The following ST14 variants were observed in gnomAD, a reference collection of about 807,000 sequenced individuals.
The protein encoded by ST14 is ST14 transmembrane serine protease matriptase.
In ST14, 40 loss-of-function variants were observed where a neutral mutation model predicts 96.5. The ratio of observed to expected loss-of-function variants is 0.41; its 90% confidence interval spans 0.32 to 0.54. ST14 has a LOEUF of 0.54. Among genes scored for constraint, ST14 ranks in the 20% least tolerant of loss-of-function variants. The pLI, the probability that ST14 is intolerant of heterozygous loss-of-function variation, is 0.17. For missense variants in ST14, 1,066 were observed against 1,188.9 expected, an observed-to-expected ratio of 0.90 and a Z score of 1.52; for synonymous variants, 506 against 492.1, an observed-to-expected ratio of 1.03 and a Z score of -0.37.
chr11:130,191,779 T>A (rs1591888825), intron 7 of ST14, among the ~76,000 whole-genome samples: 1 of 151,850 alleles, frequency 6.6e-6, no homozygotes, highest in African/African-American at 2.4e-5. Flanking sequence ...CTGGCTTGTT[T>A]GAATAATTTC....
intron 1 of ST14, among the ~76,000 whole-genome samples, chr11:130,164,403 A>C (rs914408061): frequency 6.6e-6 from 1 of 151,356 alleles, no homozygotes; most frequent in Non-Finnish European, 1.5e-5. Context: ...CCCTTCTCAG[A>C]GACAAGTGTT....
chr11:130,172,146 G>A (rs1445043891), intron 1 of ST14, among the ~76,000 whole-genome samples: 3 of 151,456 alleles, frequency 2.0e-5, no homozygotes, highest in Middle Eastern at 6.8e-3. Flanking sequence ...ACAGGGTCTC[G>A]CTCTGTTGCC....
rs191829522 is a variant in ST14 at position 130,203,606 on chromosome 11, T to C, written c.1994+3469T>C. 1.3e-3 allele frequency among the ~76,000 whole-genome samples: 199 copies of C among 152,378 alleles called. 1 individual carries two copies. Among genetic ancestry groups the C allele is most frequent in the Non-Finnish European group, 1.5e-3 (102 of 68,034 alleles). On this transcript the variant is annotated intron_variant, in intron 16 of 18. Transcript: ENST00000278742. ...GTCTCAGTCTCCAGTGCAGTCCTCA[T>C]GCCTTCCCCATGCTCAGTGTGAGGG...
chr11:130,196,537 CCCT>C (rs1363530094), intron 10 of ST14, 30 bp from the exon 11 acceptor site: 1 of 1,532,840 alleles, frequency 6.5e-7, no homozygotes, highest in Non-Finnish European at 8.9e-7. Context: ...TCCCAGCTGT[CCCT>C]CCTCACCTTG....
At chr11:130,174,595 G>T (rs1227160228) in intron 1 of ST14, among the ~76,000 whole-genome samples, 2 of 152,140 alleles carry the variant, frequency 1.3e-5, no homozygotes, top group Non-Finnish European at 2.9e-5. Context: ...CTTAGAAAAA[G>T]ACTTCATCTT....
intron 1 of ST14, among the ~76,000 whole-genome samples, chr11:130,175,837 A>AT (rs1322644913): frequency 1.1e-4 from 16 of 151,356 alleles, no homozygotes; most frequent in African/African-American, 3.9e-4. Flanking sequence ...CTAATTTTGT[A>AT]TTTTTAGTAG....
chr11:130,161,742 C>T (rs1304479018), intron 1 of ST14, among the ~76,000 whole-genome samples: 6 of 152,340 alleles, frequency 3.9e-5, no homozygotes, highest in African/African-American at 1.4e-4. Context: ...ATTCTCTTGG[C>T]TTGCTCTTTG....
intron 16 of ST14, among the ~76,000 whole-genome samples, chr11:130,205,716 T>TTTTTTTTTTTTTTTC: frequency 6.7e-6 from 1 of 148,590 alleles, no homozygotes. Flanking sequence ...TTTTTGTTTT[T>TTTTTTTTTTTTTTTC]TTTTTTGAGA....
At position 130,161,987 on chromosome 11, in the gene ST14, T is replaced by TCC. The variant is rs530325998; in HGVS notation, c.81+1929_81+1930dup. ...CTCCCATCCCTGGCCTCACCAGAAA[T>TCC]CCCAGTCCCTGGGATCACCCTGTAG... On this transcript the variant is annotated intron_variant, in intron 1 of 18. Coordinates refer to ENST00000278742, the MANE Select transcript of ST14 (RefSeq NM_021978.4). Among the ~76,000 whole-genome samples the TCC allele has an allele frequency of 4.2e-3, 643 of 152,278 alleles. 7 individuals carry two copies. The Middle Eastern group carries it at 0.048, about 11-fold the overall frequency.
At chr11:130,204,500 G>T (rs975213469) in intron 16 of ST14, among the ~76,000 whole-genome samples, 26 of 152,176 alleles carry the variant, frequency 1.7e-4, no homozygotes, top group African/African-American at 6.0e-4. Context: ...CGATTCCGTG[G>T]GGAGGTGGCT....
intron 7 of ST14, among the ~76,000 whole-genome samples, chr11:130,191,176 C>T (rs1260651491): frequency 1.3e-5 from 2 of 151,954 alleles, no homozygotes; most frequent in African/African-American, 4.8e-5. Flanking sequence ...CAAGACTCTG[C>T]CTCTATAAAA....
rs1045646621 is a variant in ST14, at chr11:130,190,656, C to T, written c.837C>T (p.Tyr279=). The stretch of plus-strand genomic sequence containing the variant: ...GCGGCAGCGACCTGGTGACGGTGTA[C>T]AACACCCTGAGCCCCATGGAGCCCC... ...DERGSDLVTV[Y]NTLSPMEPHA... The change falls in exon 7 of 19, where the codon TAC becomes TAT. Residue 279 remains tyrosine, a synonymous_variant. Transcript: ENST00000278742. 2.5e-5 allele frequency: 40 copies of T among 1,603,590 alleles called. No individual in the cohort carries two copies. Among genetic ancestry groups the T allele is most frequent in the Middle Eastern group, 1.6e-4 (1 of 6,066 alleles).
intron 17 of ST14, 27 bp downstream of exon 17, chr11:130,208,711 C>T (rs767448847): frequency 1.2e-6 from 2 of 1,603,298 alleles, no homozygotes; most frequent in Non-Finnish European, 1.7e-6. Flanking sequence ...CCTAGGGCTC[C>T]GCAGAGGGCC....
At chr11:130,193,724 C>A (rs1953329126) in intron 7 of ST14, among the ~76,000 whole-genome samples, 2 of 152,348 alleles carry the variant, frequency 1.3e-5, no homozygotes, top group East Asian at 1.9e-4. Context: ...CCCGCCTTGG[C>A]CTCCCAAAGT....
chr11:130,193,635 A>G (rs1197652016), intron 7 of ST14, among the ~76,000 whole-genome samples: 1 of 151,860 alleles, frequency 6.6e-6, no homozygotes, highest in African/African-American at 2.4e-5. Flanking sequence ...ATGCCCAGCT[A>G]ATTTTTGTAT....
chr11:130,176,894 G>A (rs1953143641), intron 1 of ST14, among the ~76,000 whole-genome samples: 1 of 148,072 alleles, frequency 6.8e-6, no homozygotes, highest in Non-Finnish European at 1.5e-5. Flanking sequence ...TGCCTCCTGG[G>A]TTCTAGTGAT....
In ST14 at chr11:130,194,755, T is replaced by A. The variant is rs1301337019; in HGVS notation, c.1113+18T>A. On this transcript the variant is annotated intron_variant, in intron 9 of 18. Coordinates refer to ENST00000278742, the MANE Select transcript of ST14 (RefSeq NM_021978.4). ...ACATTGAGGTAGGAGCTATGGGGCG[T>A]GTGAACGTGTGTGTGTGTGAGCATG... is the stretch of plus-strand genomic sequence containing the variant. 1 of 1,611,710 alleles carries A rather than the reference T, an allele frequency of 6.2e-7. No homozygotes were observed. Among genetic ancestry groups the A allele is most frequent in the Non-Finnish European group, 8.5e-7 (1 of 1,178,302 alleles).
intron 1 of ST14, 48 bp downstream of exon 1, chr11:130,160,108 C>A (rs1212782289): frequency 6.9e-6 from 9 of 1,306,972 alleles, no homozygotes; most frequent in Non-Finnish European, 7.0e-6. Flanking sequence ...CCTGCCCGCC[C>A]GACCCTGCAG....
rs538464847 is a variant in ST14, at chr11:130,208,356, C to T, written c.1995-54C>T. 3.7e-6 allele frequency: 6 copies of T among 1,612,468 alleles called. No individual in the cohort carries two copies. The South Asian group carries it at 6.6e-5, about 18-fold the overall frequency. On this transcript the variant is annotated intron_variant, in intron 16 of 18. Coordinates refer to ENST00000278742, the MANE Select transcript of ST14 (RefSeq NM_021978.4). ...TCTGGGAACGCGCGGGGCCGCGAGG[C>T]CGTGTGCACAGACCCGAGTGACCGC...
Sources: gnomAD v4.1 joint callset for allele counts (sites outside exome capture counted in the v4.1 genomes callset) on GRCh38, gnomAD v4.1.1 for gene constraint, MANE v1.5 for transcripts, NCBI Gene and HGNC (gene_info 2026-07-23, HGNC 2026-07-21) for gene names.